Variants in BCKDHB observed in about 807,000 individuals in gnomAD.
BCKDHB encodes 2-oxoisovalerate dehydrogenase subunit beta, mitochondrial.
Under a neutral mutation model 48.5 loss-of-function variants are expected in BCKDHB, and 41 were observed. The ratio of observed to expected loss-of-function variants is 0.85; its 90% confidence interval spans 0.66 to 1.10. The LOEUF is 1.10. BCKDHB is among the 50% of genes least tolerant of loss of function. The pLI is 0.00. For synonymous variants in BCKDHB, 201 were observed against 174.8 expected, an observed-to-expected ratio of 1.15 and a Z score of -1.18; for missense variants, 496 against 494.2, an observed-to-expected ratio of 1.00 and a Z score of -0.03.
At chr6:80,287,406 C>T (rs981810488) in intron 9 of BCKDHB, among the ~76,000 whole-genome samples, 2 of 140,314 alleles carry the variant, frequency 1.4e-5, no homozygotes, top group Non-Finnish European at 3.1e-5. Flanking sequence ...AAATTTAGGC[C>T]TCTTAATGTC....
chr6:80,322,260 A>G (rs1768776480), intron 9 of BCKDHB, among the ~76,000 whole-genome samples: 1 of 76,558 alleles, frequency 1.3e-5, no homozygotes, highest in Non-Finnish European at 2.7e-5. Flanking sequence ...TTTTTTGGTG[A>G]CGGAGTCGCA....
At chr6:80,232,390 A>G (rs1377246565) in intron 8 of BCKDHB, among the ~76,000 whole-genome samples, 6 of 152,002 alleles carry the variant, frequency 3.9e-5, no homozygotes, top group Admixed American at 3.9e-4. Flanking sequence ...TTTACAATTA[A>G]TAAACTAATT....
intron 9 of BCKDHB, among the ~76,000 whole-genome samples, chr6:80,306,212 GTTTAA>G (rs1349897688): frequency 6.6e-6 from 1 of 152,078 alleles, no homozygotes; most frequent in African/African-American, 2.4e-5. Context: ...TTTGCATTAA[GTTTAA>G]TTTAATGTTA....
At chr6:80,267,975 C>T (rs1235750290) in intron 8 of BCKDHB, among the ~76,000 whole-genome samples, 1 of 152,002 alleles carries the variant, frequency 6.6e-6, no homozygotes, top group East Asian at 1.9e-4. Flanking sequence ...TGTGTAACCC[C>T]CTCACTAACA....
chr6:80,118,536 GACA>G (rs1404987620), intron 1 of BCKDHB, among the ~76,000 whole-genome samples: 1 of 150,946 alleles, frequency 6.6e-6, no homozygotes, highest in Non-Finnish European at 1.5e-5. Flanking sequence ...AAAAAAAAAA[GACA>G]ACAATGAAGT....
intron 6 of BCKDHB, among the ~76,000 whole-genome samples, chr6:80,174,155 A>G (rs1252614310): frequency 3.3e-5 from 5 of 152,134 alleles, no homozygotes; most frequent in Admixed American, 2.0e-4. Context: ...ACATTTGGGA[A>G]TAGTTAAAAT....
chr6:80,226,596 A>G (rs895126197), intron 8 of BCKDHB, among the ~76,000 whole-genome samples: 1 of 152,152 alleles, frequency 6.6e-6, no homozygotes, highest in Admixed American at 6.6e-5. Flanking sequence ...AATATTTCCC[A>G]TTTCTTGATT....
At chr6:80,211,708 A>G (rs186076404) in intron 8 of BCKDHB, among the ~76,000 whole-genome samples, 98 of 152,234 alleles carry the variant, frequency 6.4e-4, no homozygotes, top group Admixed American at 6.3e-3. Context: ...CTGTTATTCT[A>G]TCAGGGGAAC....
the BCKDHB span, among the ~76,000 whole-genome samples, chr6:80,405,457 A>C: frequency 6.6e-6 from 1 of 152,072 alleles, no homozygotes; most frequent in Non-Finnish European, 1.5e-5. Flanking sequence ...TGGGTTATAT[A>C]TGTTGGATCT....
intron 8 of BCKDHB, among the ~76,000 whole-genome samples, chr6:80,251,195 G>A (rs1355295226): frequency 6.6e-6 from 1 of 152,100 alleles, no homozygotes; most frequent in Non-Finnish European, 1.5e-5. Context: ...TAGGCCTCTT[G>A]TTGTTAACAA....
chr6:80,163,938 T>G (rs1772446415), intron 3 of BCKDHB, among the ~76,000 whole-genome samples: 2 of 152,196 alleles, frequency 1.3e-5, no homozygotes, highest in African/African-American at 2.4e-5. Context: ...TCTCACACCA[T>G]TTCTCCACCT....
chr6:80,181,532 C>T (rs1333736446), intron 6 of BCKDHB, among the ~76,000 whole-genome samples: 1 of 152,138 alleles, frequency 6.6e-6, no homozygotes, highest in Non-Finnish European at 1.5e-5. Context: ...TAGGCTTCCT[C>T]ATAGGTCTAT....
chr6:80,335,463 G>A (rs1433257470), intron 9 of BCKDHB, among the ~76,000 whole-genome samples: 2 of 151,946 alleles, frequency 1.3e-5, no homozygotes, highest in Non-Finnish European at 2.9e-5. Context: ...TCTTCTATAG[G>A]AAGAATTTGA....
chr6:80,396,488 G>A, the BCKDHB span, among the ~76,000 whole-genome samples: 2 of 152,202 alleles, frequency 1.3e-5, no homozygotes, highest in Non-Finnish European at 2.9e-5. Flanking sequence ...AGACTGTTGG[G>A]AAGGCATGAT....
chr6:80,269,889 T>C (rs1023377052), intron 8 of BCKDHB, among the ~76,000 whole-genome samples: 3 of 152,050 alleles, frequency 2.0e-5, no homozygotes, highest in Admixed American at 6.6e-5. Context: ...ATGCTAAATA[T>C]GGTTAGGGGA....
At chr6:80,256,553 A>G (rs2127943833) in intron 8 of BCKDHB, among the ~76,000 whole-genome samples, 1 of 152,350 alleles carries the variant, frequency 6.6e-6, no homozygotes, top group Admixed American at 6.5e-5. Context: ...CTGTATATAC[A>G]CACACATATA....
chr6:80,352,674 C>A, the BCKDHB span, among the ~76,000 whole-genome samples: 55 of 152,132 alleles, frequency 3.6e-4, no homozygotes, highest in Non-Finnish European at 6.9e-4. Context: ...AAACCCTCCA[C>A]CTTGGGATTA....
At chr6:80,405,611 T>C in the BCKDHB span, among the ~76,000 whole-genome samples, 2 of 139,618 alleles carry the variant, frequency 1.4e-5, no homozygotes, top group Non-Finnish European at 3.1e-5. Context: ...TTATTTCTTC[T>C]TTTCTTGCTG....
At chr6:80,230,395 A>T (rs1775876662) in intron 8 of BCKDHB, among the ~76,000 whole-genome samples, 2 of 152,176 alleles carry the variant, frequency 1.3e-5, no homozygotes, top group Admixed American at 6.5e-5. Context: ...TACATGCCCC[A>T]AATAGCCAAG....
Sources: gnomAD v4.1 joint callset for allele counts (sites outside exome capture counted in the v4.1 genomes callset) on GRCh38, gnomAD v4.1.1 for gene constraint, MANE v1.5 for transcripts, NCBI Gene and HGNC (gene_info 2026-07-23, HGNC 2026-07-21) for gene names.